Variants in RSRC1 observed in about 807,000 individuals in gnomAD.
The protein encoded by RSRC1 is arginine and serine rich coiled-coil 1.
Under a neutral mutation model 49.1 loss-of-function variants are expected in RSRC1, and 39 were observed. That is an observed-to-expected ratio of 0.79 (90% CI 0.61 to 1.04). The LOEUF (loss-of-function observed/expected upper bound fraction) is 1.04, where lower values mean the gene tolerates loss of function less well. Among genes scored for constraint, RSRC1 ranks in the 50% least tolerant of loss-of-function variants. RSRC1 has a pLI of 0.00. For missense variants in RSRC1, 388 were observed against 402.4 expected (o/e 0.96, Z 0.31); for synonymous variants, 143 against 130.8 (o/e 1.09, Z -0.63).
At chr3:158,382,643 T>C (rs562819482) in intron 6 of RSRC1, among the ~76,000 whole-genome samples, 7 of 152,150 alleles carry the variant, frequency 4.6e-5, no homozygotes, top group Non-Finnish European at 1.0e-4. Flanking sequence ...AGTTGCTTTC[T>C]CAGCAAAAAT....
chr3:158,461,084 G>C (rs185798293), intron 7 of RSRC1, 81 bp downstream of exon 7: 20 of 943,630 alleles, frequency 2.1e-5, no homozygotes, highest in Non-Finnish European at 3.2e-5. Flanking sequence ...ATAATCTAAT[G>C]CCTTAAGGGT....
At chr3:158,433,659 C>A (rs1735894879) in intron 6 of RSRC1, among the ~76,000 whole-genome samples, 1 of 151,936 alleles carries the variant, frequency 6.6e-6, no homozygotes, top group Admixed American at 6.6e-5. Context: ...TAGAGAACTA[C>A]ATTTATAAAG....
rs1251335198 is a variant in RSRC1, at chr3:158,123,801, G to GT, written c.195-60dup. ...CAGATGATTCTTTAGAATCTAGAAG[G>GT]TTTTTCCTTAATGCTCATAATAAAA... On this transcript the variant is annotated intron_variant, in intron 2 of 9. Transcript: ENST00000611884. 398 of 1,449,902 alleles carry GT rather than the reference G, an allele frequency of 2.7e-4. 1 individual carries two copies. Among genetic ancestry groups the GT allele is most frequent in the Non-Finnish European group, 3.6e-4 (381 of 1,066,000 alleles). The allele number at this position is 1,449,902 out of a possible 1,614,324, so 89.8% of individuals were successfully genotyped here.
At chr3:158,175,757 G>A (rs374146098) in intron 3 of RSRC1, among the ~76,000 whole-genome samples, 6 of 152,232 alleles carry the variant, frequency 3.9e-5, no homozygotes, top group East Asian at 1.9e-4. Flanking sequence ...CCAATCAAAC[G>A]TAGATTTGGT....
chr3:158,512,478 G>C (rs1430387731), intron 7 of RSRC1, among the ~76,000 whole-genome samples: 62 of 152,074 alleles, frequency 4.1e-4, no homozygotes, highest in African/African-American at 9.4e-4. Flanking sequence ...ATCTATATCT[G>C]TGTTTTGGTA....
intron 3 of RSRC1, among the ~76,000 whole-genome samples, chr3:158,133,284 C>T (rs546126047): frequency 6.6e-6 from 1 of 151,988 alleles, no homozygotes; most frequent in South Asian, 2.1e-4. Context: ...CTTTTATTAA[C>T]CTATTGATCT....
intron 8 of RSRC1, among the ~76,000 whole-genome samples, chr3:158,538,735 C>T (rs1396261795): frequency 6.6e-6 from 1 of 151,854 alleles, no homozygotes; most frequent in Non-Finnish European, 1.5e-5. Flanking sequence ...GTGGTGCTAA[C>T]AGGAGAATAT....
chr3:158,427,006 A>G (rs1276620733), intron 6 of RSRC1, among the ~76,000 whole-genome samples: 1 of 151,800 alleles, frequency 6.6e-6, no homozygotes, highest in Non-Finnish European at 1.5e-5. Context: ...CTTTATTAGC[A>G]TGGTTGGTTT....
chr3:158,119,832 C>CTTTT lies in RSRC1; in HGVS notation c.-2-2258_-2-2255dup, dbSNP rs35646318. ...TTGTATATATTTATAATTTCATAGT[C>CTTTT]TTTTTTTTTTTTTTTTGAGATAGAG... is the stretch of plus-strand genomic sequence containing the variant. On this transcript the variant is annotated intron_variant, in intron 1 of 9. Coordinates refer to ENST00000611884, the MANE Select transcript of RSRC1 (RefSeq NM_001271838.2). 3.2e-4 allele frequency among the ~76,000 whole-genome samples: 41 copies of CTTTT among 129,044 alleles called. 2 individuals are homozygous for CTTTT. The highest frequency in any genetic ancestry group is 7.4e-4 in the Admixed American group (9 of 12,116). The allele number at this position is 129,044 out of a possible 152,430, so 84.7% of individuals were successfully genotyped here. A position where few individuals can be genotyped will look rare whatever the true frequency, so the allele number is the denominator to read the frequency against.
chr3:158,179,430 CA>C (rs1283814604), intron 3 of RSRC1, among the ~76,000 whole-genome samples: 1 of 152,174 alleles, frequency 6.6e-6, no homozygotes, highest in Non-Finnish European at 1.5e-5. Context: ...AAAGATTAGG[CA>C]ACCAGTAATC....
chr3:158,445,995 T>C (rs1374572688), intron 6 of RSRC1, among the ~76,000 whole-genome samples: 2 of 152,098 alleles, frequency 1.3e-5, no homozygotes, highest in Non-Finnish European at 2.9e-5. Flanking sequence ...AACTTTCCAT[T>C]TGATGCTGAC....
chr3:158,398,867 A>T (rs1383668017), intron 6 of RSRC1, among the ~76,000 whole-genome samples: 1 of 152,124 alleles, frequency 6.6e-6, no homozygotes, highest in Non-Finnish European at 1.5e-5. Context: ...GTCTTGACAG[A>T]GAAGGAGTCT....
chr3:158,181,757 ATATT>A (rs1344576013), intron 3 of RSRC1, among the ~76,000 whole-genome samples: 3 of 152,194 alleles, frequency 2.0e-5, no homozygotes, highest in Admixed American at 1.3e-4. Context: ...AATCAGATAA[ATATT>A]TAAGTGAGTT....
At chr3:158,450,553 G>C (rs185290317) in intron 6 of RSRC1, among the ~76,000 whole-genome samples, 1 of 151,848 alleles carries the variant, frequency 6.6e-6, no homozygotes, top group Admixed American at 6.6e-5. Context: ...TGAGGAATAA[G>C]AACTTAACGG....
chr3:158,509,581 CA>C (rs1325237198), intron 7 of RSRC1, among the ~76,000 whole-genome samples: 1 of 152,130 alleles, frequency 6.6e-6, no homozygotes, highest in East Asian at 1.9e-4. Context: ...CCCAGAGGTT[CA>C]AGGCCAGCCT....
chr3:158,229,285 TACAC>T (rs75130552), intron 4 of RSRC1, among the ~76,000 whole-genome samples: 25,859 of 78,052 alleles, frequency 0.33, 6,596 homozygotes, highest in African/African-American at 0.49. Flanking sequence ...TATATAAACA[TACAC>T]ACACGTATAT....
chr3:158,343,362 A>G (rs1730361872), intron 5 of RSRC1, among the ~76,000 whole-genome samples: 1 of 152,202 alleles, frequency 6.6e-6, no homozygotes, highest in African/African-American at 2.4e-5. Context: ...TAGGAATACA[A>G]AAATATCTGG....
intron 4 of RSRC1, among the ~76,000 whole-genome samples, chr3:158,286,170 C>T (rs754587868): frequency 6.6e-6 from 1 of 152,162 alleles, no homozygotes; most frequent in Non-Finnish European, 1.5e-5. Flanking sequence ...TGCCTCCTCC[C>T]TAATCATGTT....
intron 7 of RSRC1, among the ~76,000 whole-genome samples, chr3:158,494,393 C>G (rs899582919): frequency 2.6e-5 from 4 of 152,120 alleles, no homozygotes; most frequent in Non-Finnish European, 4.4e-5. Context: ...CTGGAAGTTG[C>G]TCTAGGCAAG....
Sources: allele counts gnomAD v4.1 joint callset (sites outside exome capture counted in the v4.1 genomes callset), GRCh38; gene constraint gnomAD v4.1.1; transcripts MANE v1.5; gene names NCBI Gene and HGNC (gene_info 2026-07-23, HGNC 2026-07-21).